PRKCA: variants seen among roughly 807,000 people sequenced by gnomAD.
PRKCA encodes the protein protein kinase C alpha type.
In PRKCA, 27 loss-of-function variants were observed where a neutral mutation model predicts 87.0. The ratio of observed to expected loss-of-function variants is 0.31; its 90% CI spans 0.23 to 0.43. PRKCA has a LOEUF of 0.43. Among genes scored for constraint, PRKCA ranks in the 20% least tolerant of loss-of-function variants. PRKCA has a pLI of 1.00. For synonymous variants in PRKCA, 329 were observed against 311.1 expected, an observed-to-expected ratio of 1.06 and a Z score of -0.61; for missense variants, 518 against 852.3, an observed-to-expected ratio of 0.61 and a Z score of 4.88.
At chr17:66,477,471 G>A (rs940366717) in intron 2 of PRKCA, among the ~76,000 whole-genome samples, 3 of 152,020 alleles carry the variant, frequency 2.0e-5, no homozygotes, top group Non-Finnish European at 2.9e-5. Context: ...AGACTGAGGC[G>A]GGCGGACCAC....
Position 66,810,091 on chromosome 17 carries a change from ATAGGTGTC to A in PRKCA, c.*6055_*6062del. On this transcript the variant is annotated 3_prime_UTR_variant, in exon 17 of 17. Transcript: ENST00000413366. ...TAGACAGAACTCGGCTTTTCAGAAA[ATAGGTGTC>A]AAGTCCACTTTATAAGAACCTTTTT... 6.6e-6 allele frequency: 1 copy of A among 152,378 alleles called. No homozygotes were observed. The highest frequency in any genetic ancestry group is 1.9e-4 in the East Asian group (1 of 5,186). The allele number at this position is 152,378 out of a possible 1,614,324, so 9.4% of individuals were successfully genotyped here.
At chr17:66,473,589 C>T (rs1915417995) in intron 2 of PRKCA, among the ~76,000 whole-genome samples, 1 of 152,120 alleles carries the variant, frequency 6.6e-6, no homozygotes, top group East Asian at 1.9e-4. Flanking sequence ...ACTGCGGCAC[C>T]ATCCAAAATG....
intron 13 of PRKCA, among the ~76,000 whole-genome samples, chr17:66,746,640 G>A (rs191850190): frequency 4.6e-5 from 7 of 152,244 alleles, no homozygotes; most frequent in African/African-American, 7.2e-5. Context: ...ATACCTTAGC[G>A]TCTCCTTAGG....
intron 2 of PRKCA, among the ~76,000 whole-genome samples, chr17:66,312,752 TGTG>T (rs1409349152): frequency 6.8e-6 from 1 of 147,632 alleles, no homozygotes; most frequent in Non-Finnish European, 1.5e-5. Context: ...TTTTTTTTTT[TGTG>T]AGACAGAGTG....
At chr17:66,546,687 T>G (rs1211738580) in intron 3 of PRKCA, among the ~76,000 whole-genome samples, 1 of 152,248 alleles carries the variant, frequency 6.6e-6, no homozygotes, top group Non-Finnish European at 1.5e-5. Flanking sequence ...CTTCATTACA[T>G]TTGCAAAGAC....
In PRKCA at chr17:66,785,244, G is replaced by C. The variant is rs539434572; in HGVS notation, c.1606-1623G>C. Reference sequence around the variant, plus strand: ...TTGGATGAACAGGTTGAGGTGATTTGTGGGTGGTGGTTGAGGGGAGGGACC... The same window carrying C: ...TTGGATGAACAGGTTGAGGTGATTTCTGGGTGGTGGTTGAGGGGAGGGACC... On this transcript the variant is annotated intron_variant, in intron 14 of 16. Transcript: ENST00000413366. Among the ~76,000 whole-genome samples the C allele has an allele frequency of 5.9e-5, 9 of 152,254 alleles. No individual in the cohort carries two copies. In the South Asian group the frequency reaches 1.5e-3, roughly 25 times the overall value.
chr17:66,306,191 AT>A, intron 2 of PRKCA, 64 bp downstream of exon 2: 1 of 1,436,646 alleles, frequency 7.0e-7, no homozygotes, highest in Non-Finnish European at 9.6e-7. Context: ...AAACAAGAAC[AT>A]TATTTCCAGT....
intron 3 of PRKCA, among the ~76,000 whole-genome samples, chr17:66,543,501 C>T (rs1369181209): frequency 1.3e-5 from 2 of 152,024 alleles, no homozygotes; most frequent in African/African-American, 2.4e-5. Context: ...TAGTATGTTG[C>T]TTGAAACAAT....
chr17:66,488,169 A>G (rs1387528419), intron 2 of PRKCA, among the ~76,000 whole-genome samples: 1 of 152,100 alleles, frequency 6.6e-6, no homozygotes, highest in East Asian at 1.9e-4. Context: ...ATTTTCTACA[A>G]CCTGCCAATT....
chr17:66,321,579 TGTC>T (rs1321928034), intron 2 of PRKCA, among the ~76,000 whole-genome samples: 2 of 152,214 alleles, frequency 1.3e-5, no homozygotes, highest in Non-Finnish European at 2.9e-5. Flanking sequence ...AGCCTTGCTC[TGTC>T]GTCTATGCTG....
At chr17:66,602,777 GTA>G (rs1970087843) in intron 3 of PRKCA, among the ~76,000 whole-genome samples, 1 of 152,196 alleles carries the variant, frequency 6.6e-6, no homozygotes, top group South Asian at 2.1e-4. Flanking sequence ...AGACAGCCAA[GTA>G]TAAAGGGGTC....
rs115188433 is a variant in PRKCA at position 66,558,885 on chromosome 17, G to A, written c.288+62602G>A. ...AATCTGCCATGCAGTTCAGAATGAT[G>A]ACCCTCGGACCGGGCATGCTTCTCA... On this transcript the variant is annotated intron_variant, in intron 3 of 16. Coordinates refer to ENST00000413366, the MANE Select transcript of PRKCA (RefSeq NM_002737.3). Among the ~76,000 whole-genome samples, 918 of 152,268 alleles carry A rather than the reference G, an allele frequency of 6.0e-3. 13 individuals carry two copies. Among genetic ancestry groups the A allele is most frequent in the African/African-American group, 0.018 (768 of 41,544 alleles).
rs1427281905 is a variant in PRKCA, at chr17:66,302,690, T to C, written c.-162T>C. The C allele has an allele frequency of 7.5e-6, 2 of 265,830 alleles. No homozygotes were observed. The highest frequency in any genetic ancestry group is 5.7e-6 in the Non-Finnish European group (1 of 175,998). 16.5% of individuals were successfully genotyped at this position (265,830 alleles called of 1,614,324 possible). ...GCTCCGCGCAGCACCAGCCCGACTC[T>C]CCCCGGCCCCCGCCGCGCCCCCTCG... On this transcript the variant is annotated 5_prime_UTR_variant, in exon 1 of 17. Transcript: ENST00000413366.
chr17:66,618,055 A>G (rs79194988), intron 3 of PRKCA, among the ~76,000 whole-genome samples: 2,856 of 152,294 alleles, frequency 0.019, 35 homozygotes, highest in Non-Finnish European at 0.03. Context: ...GATTGCCTTC[A>G]TTAAACATAG....
At chr17:66,344,501 AAAAC>A (rs1449120173) in intron 2 of PRKCA, among the ~76,000 whole-genome samples, 1 of 152,158 alleles carries the variant, frequency 6.6e-6, no homozygotes, top group Non-Finnish European at 1.5e-5. Context: ...CCAAAAACAA[AAAAC>A]AAACAACAAC....
intron 2 of PRKCA, among the ~76,000 whole-genome samples, chr17:66,493,323 G>GTGTA (rs1555610794): frequency 6.6e-6 from 1 of 151,532 alleles, no homozygotes; most frequent in Non-Finnish European, 1.5e-5. Context: ...GTGTGTGTGT[G>GTGTA]TGTATGTCTA....
At chr17:66,339,353 T>C (rs1906899593) in intron 2 of PRKCA, among the ~76,000 whole-genome samples, 1 of 152,184 alleles carries the variant, frequency 6.6e-6, no homozygotes, top group Non-Finnish European at 1.5e-5. Flanking sequence ...AAACAGTGGC[T>C]CAACGGGGAA....
intron 2 of PRKCA, among the ~76,000 whole-genome samples, chr17:66,366,764 T>G (rs888553157): frequency 2.0e-5 from 3 of 152,218 alleles, no homozygotes; most frequent in Admixed American, 2.0e-4. Flanking sequence ...TTTACTCCAG[T>G]AAATCTTATG....
At chr17:66,708,427 A>AT (rs113013513) in intron 8 of PRKCA, among the ~76,000 whole-genome samples, 8,406 of 150,964 alleles carry the variant, frequency 0.056, 766 homozygotes, top group African/African-American at 0.19. Flanking sequence ...CTTTCCTTTG[A>AT]TTTTTTTTTC....
Sources: allele counts gnomAD v4.1 joint callset (sites outside exome capture counted in the v4.1 genomes callset), GRCh38; gene constraint gnomAD v4.1.1; transcripts MANE v1.5; gene names NCBI Gene and HGNC (gene_info 2026-07-23, HGNC 2026-07-21).